Variants in TERT observed in about 807,000 individuals in gnomAD.
TERT encodes the protein telomerase reverse transcriptase.
TERT carries 42 observed loss-of-function variants against 104.0 expected under a neutral mutation model. The observed-to-expected ratio is 0.40, with a 90% CI of 0.32 to 0.52. The LOEUF (loss-of-function observed/expected upper bound fraction) is 0.52. TERT is among the 20% of genes least tolerant of loss of function. The pLI, the probability that TERT is intolerant of heterozygous loss-of-function variation, is 0.43. For missense variants in TERT, 1,101 were observed against 1,610.3 expected (o/e 0.68, Z 5.41); for synonymous variants, 781 against 725.6 (o/e 1.08, Z -1.23).
rs895861355 is a variant in TERT, at chr5:1,292,034, A to C, written c.1573+1279T>G. On this transcript the variant is annotated intron_variant, in intron 2 of 15. Transcript: ENST00000310581. The surrounding 1 kb of genome is among the most constrained non-coding windows in gnomAD (Gnocchi z 5.5). ...CGCAGCATTTCAAGCAACCTGCTGTAAACACCGCCGAGTTAGCAATTCTGC... is the reference window on the plus strand; with the variant it reads ...CGCAGCATTTCAAGCAACCTGCTGTCAACACCGCCGAGTTAGCAATTCTGC... 6.6e-6 allele frequency among the ~76,000 whole-genome samples: 1 copy of C among 152,228 alleles called. No individual in the cohort carries two copies. Among genetic ancestry groups the C allele is most frequent in the Non-Finnish European group, 1.5e-5 (1 of 68,038 alleles).
At chr5:1,273,005 CCA>C (rs72045676) in intron 6 of TERT, among the ~76,000 whole-genome samples, 1 of 55,198 alleles carries the variant, frequency 1.8e-5, no homozygotes, top group Non-Finnish European at 3.3e-5. Flanking sequence ...TCCACAGTCA[CCA>C]CACATCAGAC....
Position 1,262,125 on chromosome 5 carries a change from T to C in TERT, c.2844-1525A>G, listed in dbSNP as rs995745535. Among the ~76,000 whole-genome samples, 16 of 152,350 alleles carry C rather than the reference T, an allele frequency of 1.1e-4. No homozygotes were observed. The highest frequency in any genetic ancestry group is 3.6e-4 in the African/African-American group (15 of 41,590). On this transcript the variant is annotated intron_variant, in intron 11 of 15. Coordinates refer to ENST00000310581, the MANE Select transcript of TERT (RefSeq NM_198253.3). The surrounding 1 kb of genome is among the most constrained non-coding windows in gnomAD (Gnocchi z 5.6). The stretch of plus-strand genomic sequence containing the variant: ...CCAAACCAGGGAACGTTCACCTCCC[T>C]TCCCTTTGAGTCTTTTGTTTTATTT...
In TERT at chr5:1,288,149, G is replaced by A. The variant is rs147703931; in HGVS notation, c.1573+5164C>T. Among the ~76,000 whole-genome samples the A allele has an allele frequency of 2.1e-3, 312 of 152,068 alleles. No homozygotes were observed. Among genetic ancestry groups the A allele is most frequent in the Non-Finnish European group, 3.2e-3 (218 of 68,002 alleles). ...AAATGATTTCACGTCAAAACACAGC[G>A]TGCACAAAGAAAAAAATCACAGAAT... On this transcript the variant is annotated intron_variant, in intron 2 of 15. Coordinates refer to ENST00000310581, the MANE Select transcript of TERT (RefSeq NM_198253.3). This position sits in a 1 kb window ranked among gnomAD's most constrained non-coding sequence, Gnocchi z 5.3.
intron 6 of TERT, among the ~76,000 whole-genome samples, chr5:1,277,178 C>T (rs574290322): frequency 1.3e-5 from 2 of 152,302 alleles, no homozygotes; most frequent in Admixed American, 6.5e-5. Context: ...CAGCGGCCAC[C>T]GGAGGCATCG....
At chr5:1,271,303 T>A (rs1749016974) in intron 7 of TERT, 99 bp from the exon 8 acceptor site, 1 of 865,458 alleles carries the variant, frequency 1.2e-6, no homozygotes. Flanking sequence ...GGGGTCAGTG[T>A]TTGTGATGAA....
At position 1,262,406 on chromosome 5, in the gene TERT, A is replaced by G. The variant is rs1371866425; in HGVS notation, c.2844-1806T>C. On this transcript the variant is annotated intron_variant, in intron 11 of 15. Transcript: ENST00000310581. The surrounding 1 kb of genome is among the most constrained non-coding windows in gnomAD (Gnocchi z 5.6). ...CATCTGAGCTGTGGTTTGGGAGACT[A>G]AAATCTGGACAAGAAAATTCCCATC... is the stretch of plus-strand genomic sequence containing the variant. 1.3e-5 allele frequency among the ~76,000 whole-genome samples: 2 copies of G among 152,260 alleles called. No individual in the cohort carries two copies. The highest frequency in any genetic ancestry group is 6.5e-5 in the Admixed American group (1 of 15,288).
chr5:1,293,994 A>G lies in TERT; in HGVS notation c.892T>C (p.Ser298Pro). ...ALSGTRHSHP[S>P]VGRQHHAGPP... ...CCCGCGTGGTGCTGGCGGCCCACGG[A>G]TGGGTGGGAGTGGCGCGTGCCAGAG... Residue 298 changes from serine to proline, a missense_variant, in exon 2 of 16, where the codon TCC (serine) becomes CCC (proline). Physicochemically the swap from Ser to Pro is moderately conservative, Grantham distance 74. Transcript: ENST00000310581. 6.3e-7 allele frequency: 1 copy of G among 1,576,024 alleles called. No individual in the cohort carries two copies. Among genetic ancestry groups the G allele is most frequent in the Non-Finnish European group, 8.6e-7 (1 of 1,164,168 alleles).
At position 1,279,363 on chromosome 5, in the gene TERT, G is replaced by A. The variant is rs745590324; in HGVS notation, c.2058C>T (p.Ile686=). The change falls in exon 5 of 16, where the codon ATC becomes ATT. Residue 686 remains isoleucine (I), a synonymous_variant. Coordinates refer to ENST00000310581, the MANE Select transcript of TERT (RefSeq NM_198253.3). ...GCACGAAGGTGCGCCAGGCCCTGTG[G>A]ATATCGTCCAGGCCCAGCACAGAGG... ...LGASVLGLDD[I]HRAWRTFVLR... is the part of the protein sequence containing the mutation. 1.3e-6 allele frequency: 2 copies of A among 1,572,118 alleles called. No homozygotes were observed. Among genetic ancestry groups the A allele is most frequent in the South Asian group, 1.2e-5 (1 of 85,644 alleles).
At chr5:1,267,826 G>T (rs1237247532) in intron 9 of TERT, among the ~76,000 whole-genome samples, 1 of 152,170 alleles carries the variant, frequency 6.6e-6, no homozygotes, top group African/African-American at 2.4e-5. Context: ...ACACACCAGG[G>T]CCTGTCATGG....
Position 1,288,853 on chromosome 5 carries a change from T to A in TERT, c.1573+4460A>T, listed in dbSNP as rs976832086. ...AGGCAAGCGGACCTGAAGCTGTGGC[T>A]GCAGTGCCTGGCACGCGGGAGGCGA... On this transcript the variant is annotated intron_variant, in intron 2 of 15. Transcript: ENST00000310581. This position sits in a 1 kb window ranked among gnomAD's most constrained non-coding sequence, Gnocchi z 5.3. 2.6e-5 allele frequency among the ~76,000 whole-genome samples: 4 copies of A among 152,156 alleles called. No individual in the cohort carries two copies. Among genetic ancestry groups the A allele is most frequent in the Non-Finnish European group, 4.4e-5 (3 of 68,024 alleles).
Position 1,292,204 on chromosome 5 carries a change from T to C in TERT, c.1573+1109A>G, listed in dbSNP as rs1751037567. Reference sequence around the variant, plus strand: ...CGGAAGTCTTACATGTCTTGGGAGTTTGTGGGGAGGGGGTGAAATCGGGAC... The same window carrying C: ...CGGAAGTCTTACATGTCTTGGGAGTCTGTGGGGAGGGGGTGAAATCGGGAC... On this transcript the variant is annotated intron_variant, in intron 2 of 15. Transcript: ENST00000310581. The surrounding 1 kb of genome is among the most constrained non-coding windows in gnomAD (Gnocchi z 5.5). Among the ~76,000 whole-genome samples, 1 of 152,058 alleles carries C rather than the reference T, an allele frequency of 6.6e-6. No homozygotes were observed. The highest frequency in any genetic ancestry group is 1.5e-5 in the Non-Finnish European group (1 of 68,016).
chr5:1,278,886 C>A, intron 5 of TERT, 90 bp from the exon 6 acceptor site: 1 of 1,565,094 alleles, frequency 6.4e-7, no homozygotes, highest in South Asian at 1.1e-5. Flanking sequence ...GCGGTGTCCC[C>A]CACTCTCTCT....
rs939507671 is a variant in TERT, at chr5:1,258,652, C to G, written c.2978G>C (p.Ser993Thr). 1.3e-6 allele frequency: 2 copies of G among 1,568,550 alleles called. No homozygotes were observed. Among genetic ancestry groups the G allele is most frequent in the African/African-American group, 1.3e-5 (1 of 74,100 alleles). ...GATGTTGGTGCACACCGTCTGGAGG[C>G]TGTTCACCTAGAGTCGCCAAGAAAG... ...HSLFLDLQVNSLQTVCTNIYK... is the reference protein window; with the variant it reads ...HSLFLDLQVNTLQTVCTNIYK... Residue 993 changes from serine to threonine, a missense_variant, in exon 13 of 16, where the codon AGC becomes ACC. Coordinates refer to ENST00000310581, the MANE Select transcript of TERT (RefSeq NM_198253.3).
chr5:1,272,441 C>T (rs756038836), intron 6 of TERT, among the ~76,000 whole-genome samples, 161 bp from the exon 7 acceptor site: 37 of 151,910 alleles, frequency 2.4e-4, no homozygotes, highest in Non-Finnish European at 4.4e-4. Flanking sequence ...AAACGGGGGC[C>T]GGGGGGCCGA....
intron 6 of TERT, 150 bp downstream of exon 6, chr5:1,278,491 A>T: frequency 8.6e-7 from 1 of 1,158,172 alleles, no homozygotes; most frequent in Non-Finnish European, 1.3e-6. Flanking sequence ...ATGCACCACG[A>T]CACACACGTG....
intron 2 of TERT, among the ~76,000 whole-genome samples, chr5:1,289,164 G>C (rs1441135322): frequency 1.3e-5 from 2 of 150,766 alleles, no homozygotes; most frequent in African/African-American, 2.4e-5. Flanking sequence ...GGACACCCGG[G>C]GGCCGCAACT....
rs1180457547 is a variant in TERT, at chr5:1,263,969, C to A, written c.2843+435G>T. On this transcript the variant is annotated intron_variant, in intron 11 of 15. Transcript: ENST00000310581. The surrounding 1 kb of genome is among the most constrained non-coding windows in gnomAD (Gnocchi z 5.3). ...GGCTCACAGCGGAGAGACTCACGCC[C>A]AAAAGGGCCCTGAAGTCTCTGGGTT... 1.3e-5 allele frequency among the ~76,000 whole-genome samples: 2 copies of A among 152,008 alleles called. No individual in the cohort carries two copies.
Position 1,260,550 on chromosome 5 carries a change from T to A in TERT, c.2894A>T (p.Lys965Met). Residue 965 changes from lysine (K) to methionine (M), a missense_variant, in exon 12 of 16, where the codon AAG becomes ATG. Lys to Met is a moderately conservative substitution (Grantham distance 95, BLOSUM62 -1). Around this residue, in one of 5 missense-constraint regions of TERT, gnomAD observed 463 missense variants for 797.5 expected, o/e 0.58. Coordinates refer to ENST00000310581, the MANE Select transcript of TERT (RefSeq NM_198253.3). ...RASLTFNRGF[K>M]AGRNMRRKLF... Reference sequence around the variant, plus strand: ...TTTGCGACGCATGTTCCTCCCAGCCTTGAAGCCGCGGTTGAAGGTGAGACT... The same window carrying A: ...TTTGCGACGCATGTTCCTCCCAGCCATGAAGCCGCGGTTGAAGGTGAGACT... 1 of 1,614,168 alleles carries A rather than the reference T, an allele frequency of 6.2e-7. No homozygotes were observed. The highest frequency in any genetic ancestry group is 8.5e-7 in the Non-Finnish European group (1 of 1,180,016).
At position 1,280,184 on chromosome 5, in the gene TERT, C is replaced by A. The variant is rs761603068; in HGVS notation, c.1924G>T (p.Ala642Ser). 6.2e-7 allele frequency: 1 copy of A among 1,614,100 alleles called. No homozygotes were observed. Among genetic ancestry groups the A allele is most frequent in the South Asian group, 1.1e-5 (1 of 91,090 alleles). Reference protein sequence around the residue: ...PIVNMDYVVGARTFRREKRAE... With the variant: ...PIVNMDYVVGSRTFRREKRAE... Reference sequence around the variant, plus strand: ...CTCTTTTCTCTGCGGAACGTTCTGGCTCCCACGACGTAGTCCATGTTCACA... The same window carrying A: ...CTCTTTTCTCTGCGGAACGTTCTGGATCCCACGACGTAGTCCATGTTCACA... The change falls in exon 4 of 16, where the codon GCC becomes TCC. Residue 642 changes from alanine to serine, a missense_variant. This residue lies in a region of TERT where 463 missense variants were observed against 797.5 expected (regional missense o/e 0.58). Transcript: ENST00000310581.
Sources: gnomAD v4.1 joint callset for allele counts (sites outside exome capture counted in the v4.1 genomes callset) on GRCh38, gnomAD v4.1.1 for gene constraint, gnomAD v4.1.1 regional missense constraint, Gnocchi (gnomAD v3.1) non-coding constraint, MANE v1.5 for transcripts, NCBI Gene and HGNC (gene_info 2026-07-23, HGNC 2026-07-21) for gene names.